VPS54: variants seen among roughly 807,000 people sequenced by gnomAD.
The protein encoded by VPS54 is vacuolar protein sorting-associated protein 54.
Under a neutral mutation model 121.5 loss-of-function variants are expected in VPS54, and 45 were observed. The ratio of observed to expected loss-of-function variants is 0.37; its 90% CI spans 0.29 to 0.47. The LOEUF is 0.47. Among genes scored for constraint, VPS54 ranks in the 20% least tolerant of loss-of-function variants. The pLI, the probability that VPS54 is intolerant of heterozygous loss-of-function variation, is 0.99. For synonymous variants in VPS54, 371 were observed against 385.8 expected, an observed-to-expected ratio of 0.96 and a Z score of 0.45; for missense variants, 1,090 against 1,131.4, an observed-to-expected ratio of 0.96 and a Z score of 0.52.
chr2:63,913,791 G>A, intron 17 of VPS54: 1 of 970,524 alleles, frequency 1.0e-6, no homozygotes, highest in Non-Finnish European at 1.2e-6. Flanking sequence ...TATATCAATG[G>A]TTCTGAAAGA....
chr2:64,001,075 G>A (rs1677850948), intron 1 of VPS54, among the ~76,000 whole-genome samples: 1 of 152,180 alleles, frequency 6.6e-6, no homozygotes, highest in African/African-American at 2.4e-5. Context: ...CAGCTGAGCT[G>A]GCCCTCAAAT....
At chr2:63,901,300 A>C (rs77949167) in intron 20 of VPS54, among the ~76,000 whole-genome samples, 168 of 152,336 alleles carry the variant, frequency 1.1e-3, no homozygotes, top group African/African-American at 4.0e-3. Context: ...GAGGTGATAC[A>C]CAGGAACTGT....
intron 6 of VPS54, 32 bp from the exon 7 acceptor site, chr2:63,962,475 C>G: frequency 1.3e-6 from 2 of 1,565,250 alleles, no homozygotes; most frequent in Non-Finnish European, 1.7e-6. Context: ...ATATGAAGTA[C>G]TATGAGCATA....
chr2:64,004,385 T>A (rs1678028341), intron 1 of VPS54, among the ~76,000 whole-genome samples: 2 of 152,212 alleles, frequency 1.3e-5, no homozygotes, highest in African/African-American at 4.8e-5. Flanking sequence ...TCATGGCGCC[T>A]AAGTATTACC....
Position 63,899,525 on chromosome 2 carries a change from C to A in VPS54, c.2682G>T (p.Met894Ile). 2 of 1,613,772 alleles carry A rather than the reference C, an allele frequency of 1.2e-6. No homozygotes were observed. Among genetic ancestry groups the A allele is most frequent in the Non-Finnish European group, 1.7e-6 (2 of 1,179,938 alleles). The change falls in exon 21 of 23, where the codon ATG becomes ATT. Residue 894 changes from methionine to isoleucine, a missense_variant. Physicochemically the swap from Met to Ile is conservative, Grantham distance 10 (BLOSUM62 1). Coordinates refer to ENST00000272322, the MANE Select transcript of VPS54 (RefSeq NM_016516.3). Reference protein sequence around the residue: ...SACFRNICKQMTKMHEAIFDL... With the variant: ...SACFRNICKQITKMHEAIFDL... ...CAAATATAGCTTCGTGCATTTTTGT[C>A]ATTTGCTTACAAATATTCCTGAAAC...
At chr2:63,941,690 A>G (rs558728095) in intron 11 of VPS54, among the ~76,000 whole-genome samples, 1 of 152,314 alleles carries the variant, frequency 6.6e-6, no homozygotes, top group East Asian at 1.9e-4. Context: ...TAAATGTAAC[A>G]CATGATGCTT....
chr2:63,912,632 C>G lies in VPS54; in HGVS notation c.2452G>C (p.Val818Leu). 1 of 1,577,518 alleles carries G rather than the reference C, an allele frequency of 6.3e-7. No homozygotes were observed. Among genetic ancestry groups the G allele is most frequent in the South Asian group, 1.2e-5 (1 of 84,094 alleles). ...ALSSRCLQLI[V>L]HYIPVIRAHF... ...GCCCGGATCACAGGAATGTAGTGCA[C>G]AATTAACTGCAAACATCGTGAAGAA... The change falls in exon 19 of 23, where the codon GTG becomes CTG. Residue 818 changes from valine to leucine, a missense_variant. Transcript: ENST00000272322.
In VPS54 at chr2:63,906,252, A is replaced by G. The variant is rs545439009; in HGVS notation, c.2625+6093T>C. Among the ~76,000 whole-genome samples the G allele has an allele frequency of 4.9e-4, 75 of 152,348 alleles. No homozygotes were observed. In the South Asian group the frequency reaches 0.015, roughly 30 times the overall value. On this transcript the variant is annotated intron_variant, in intron 20 of 22. Transcript: ENST00000272322. ...ATGCAAGATTCTATTTGCAGACAAC[A>G]TGAGTGTGTATGCAGAAAAATCCCA...
intron 22 of VPS54, among the ~76,000 whole-genome samples, chr2:63,896,612 C>A (rs1488760588): frequency 1.3e-5 from 2 of 152,162 alleles, no homozygotes; most frequent in Non-Finnish European, 2.9e-5. Flanking sequence ...AAAATTGATT[C>A]ACTGTACTTC....
rs1257929440 is a variant in VPS54 at position 63,963,930 on chromosome 2, C to CA, written c.625-1488dup. 7.2e-5 allele frequency among the ~76,000 whole-genome samples: 11 copies of CA among 152,240 alleles called. No individual in the cohort carries two copies. The East Asian group carries it at 2.1e-3, about 29-fold the overall frequency. On this transcript the variant is annotated intron_variant, in intron 6 of 22. Coordinates refer to ENST00000272322, the MANE Select transcript of VPS54 (RefSeq NM_016516.3). The stretch of plus-strand genomic sequence containing the variant: ...TAAAGAATTTTGCTAGAAAGTAAAT[C>CA]AACTACATCATTAAGCACACTGTAT...
intron 7 of VPS54, among the ~76,000 whole-genome samples, chr2:63,956,180 C>G (rs1404336489): frequency 6.6e-6 from 1 of 152,058 alleles, no homozygotes; most frequent in African/African-American, 2.4e-5. Flanking sequence ...ATTTCTTCAT[C>G]ACAAAACATA....
chr2:63,967,256 T>C (rs374390913), intron 5 of VPS54, among the ~76,000 whole-genome samples: 9 of 152,168 alleles, frequency 5.9e-5, no homozygotes, highest in Non-Finnish European at 1.2e-4. Flanking sequence ...ACTAGAGACA[T>C]GAGTAAATTT....
intron 16 of VPS54, among the ~76,000 whole-genome samples, chr2:63,916,213 C>CAT (rs1673372778): frequency 6.6e-6 from 1 of 152,040 alleles, no homozygotes; most frequent in African/African-American, 2.4e-5. Flanking sequence ...AATGAGATCA[C>CAT]ATATATATGA....
chr2:63,966,435 T>G (rs764345136), intron 5 of VPS54, among the ~76,000 whole-genome samples: 1 of 152,182 alleles, frequency 6.6e-6, no homozygotes, highest in African/African-American at 2.4e-5. Flanking sequence ...CAAATTCAAT[T>G]TTATGAATAG....
At chr2:63,992,391 TA>T (rs1677369935) in intron 1 of VPS54, among the ~76,000 whole-genome samples, 1 of 152,256 alleles carries the variant, frequency 6.6e-6, no homozygotes, top group African/African-American at 2.4e-5. Flanking sequence ...AAACATGCGG[TA>T]TGTTCCTGGA....
chr2:63,900,402 G>A (rs894273410), intron 20 of VPS54, among the ~76,000 whole-genome samples: 4 of 151,974 alleles, frequency 2.6e-5, no homozygotes, highest in Admixed American at 2.0e-4. Flanking sequence ...TTAAACTTAG[G>A]TAAATTCATT....
intron 3 of VPS54, among the ~76,000 whole-genome samples, chr2:63,979,551 C>T (rs1437007852): frequency 6.6e-6 from 1 of 152,148 alleles, no homozygotes; most frequent in Non-Finnish European, 1.5e-5. Flanking sequence ...ATTTTTCCAG[C>T]TTCTTCAGGT....
chr2:63,972,902 A>T (rs1415891156), intron 3 of VPS54, among the ~76,000 whole-genome samples: 1 of 152,080 alleles, frequency 6.6e-6, no homozygotes, highest in African/African-American at 2.4e-5. Flanking sequence ...AAAGGAAAGA[A>T]AGATAGAAAT....
intron 1 of VPS54, among the ~76,000 whole-genome samples, chr2:63,998,258 A>G (rs539623007): frequency 6.6e-6 from 1 of 152,146 alleles, no homozygotes; most frequent in African/African-American, 2.4e-5. Flanking sequence ...TAACTACTAG[A>G]GAATATCTTT....
Sources: allele counts gnomAD v4.1 joint callset (sites outside exome capture counted in the v4.1 genomes callset), GRCh38; gene constraint gnomAD v4.1.1; transcripts MANE v1.5; gene names NCBI Gene and HGNC (gene_info 2026-07-23, HGNC 2026-07-21).